ODF2: variants seen among roughly 807,000 people sequenced by gnomAD.
ODF2 encodes the protein outer dense fiber protein 2.
Under a neutral mutation model 110.2 loss-of-function variants are expected in ODF2, and 47 were observed. The ratio of observed to expected loss-of-function variants is 0.43; its 90% CI spans 0.34 to 0.54. The LOEUF (loss-of-function observed/expected upper bound fraction) is 0.54. ODF2 is among the 20% of genes least tolerant of loss of function. The pLI is 0.03. For missense variants in ODF2, 812 were observed against 1,054.5 expected, an observed-to-expected ratio of 0.77 and a Z score of 3.19; for synonymous variants, 352 against 397.7, an observed-to-expected ratio of 0.89 and a Z score of 1.37.
intron 9 of ODF2, among the ~76,000 whole-genome samples, chr9:128,482,158 G>A (rs905565812): frequency 8.5e-5 from 13 of 152,214 alleles, no homozygotes; most frequent in Non-Finnish European, 1.8e-4. Context: ...AAGTTCAACA[G>A]CTTCTTTCAA....
chr9:128,500,981 T>C (rs540282588), downstream of ODF2: 1 of 152,232 alleles, frequency 6.6e-6, no homozygotes, highest in Non-Finnish European at 1.5e-5. Flanking sequence ...CATTTGATGA[T>C]TTCCTTTACC....
chr9:128,483,924 C>A lies in ODF2; in HGVS notation c.988-14C>A. The A allele has an allele frequency of 6.3e-7, 1 of 1,590,612 alleles. No individual in the cohort carries two copies. Among genetic ancestry groups the A allele is most frequent in the Non-Finnish European group, 8.6e-7 (1 of 1,159,248 alleles). ...AAAAATTGTGCCTCCATCACTTTTT[C>A]CGTCTCTCCACAGGCTCAAGCAAAG... is the stretch of plus-strand genomic sequence containing the variant. On this transcript the variant is annotated splice_polypyrimidine_tract_variant and intron_variant, in intron 10 of 20. Coordinates refer to ENST00000604420, the Ensembl canonical transcript of ODF2.
intron 8 of ODF2, among the ~76,000 whole-genome samples, 188 bp from the exon 9 acceptor site, chr9:128,481,392 G>C (rs1386174850): frequency 1.3e-5 from 2 of 151,808 alleles, no homozygotes; most frequent in Non-Finnish European, 2.9e-5. Flanking sequence ...TGGGAGGATG[G>C]CTTGAGCCCA....
chr9:128,480,281 A>G (rs1360894861), intron 8 of ODF2, among the ~76,000 whole-genome samples: 4 of 152,226 alleles, frequency 2.6e-5, no homozygotes, highest in Middle Eastern at 3.2e-3. Context: ...AAACAGAAGT[A>G]GTATACATTT....
chr9:128,472,625 C>T (rs923038382), intron 6 of ODF2, among the ~76,000 whole-genome samples: 6 of 152,156 alleles, frequency 3.9e-5, no homozygotes, highest in Non-Finnish European at 8.8e-5. Flanking sequence ...GAGGGCGTGA[C>T]AGTGGAGGGG....
chr9:128,458,178 C>G (rs1056462751), intron 2 of ODF2, among the ~76,000 whole-genome samples: 16 of 152,060 alleles, frequency 1.1e-4, no homozygotes, highest in Non-Finnish European at 2.1e-4. Context: ...GGGCCAGGTG[C>G]GGTGGCTCAT....
At chr9:128,468,584 G>A (rs1169066688) in intron 4 of ODF2, among the ~76,000 whole-genome samples, 5 of 151,912 alleles carry the variant, frequency 3.3e-5, no homozygotes, top group South Asian at 2.1e-4. Flanking sequence ...GTGCAATGGC[G>A]CAATCTTGGC....
intron 18 of ODF2, among the ~76,000 whole-genome samples, chr9:128,497,059 T>C (rs1845672759): frequency 6.6e-6 from 1 of 151,874 alleles, no homozygotes; most frequent in Non-Finnish European, 1.5e-5. Context: ...GTGGTGTGAG[T>C]CTTCAATGAT....
chr9:128,464,617 A>G (rs1474978460), intron 4 of ODF2, among the ~76,000 whole-genome samples: 1 of 151,672 alleles, frequency 6.6e-6, no homozygotes, highest in Admixed American at 6.6e-5. Context: ...CTCCTGCCTC[A>G]GCCTCTGAGT....
At chr9:128,465,322 A>G (rs984731156) in intron 4 of ODF2, among the ~76,000 whole-genome samples, 4 of 152,214 alleles carry the variant, frequency 2.6e-5, no homozygotes, top group Non-Finnish European at 5.9e-5. Context: ...AGTTTGAGGA[A>G]GATATGGAAA....
chr9:128,484,620 TCTC>T (rs1301538348), intron 11 of ODF2, 78 bp from the exon 12 acceptor site: 2 of 1,446,456 alleles, frequency 1.4e-6, no homozygotes, highest in Admixed American at 2.0e-5. Context: ...TTCCTCCCTT[TCTC>T]CTTCACCCTC....
chr9:128,478,036 C>CT (rs1375827826), intron 8 of ODF2, among the ~76,000 whole-genome samples: 1 of 152,088 alleles, frequency 6.6e-6, no homozygotes, highest in Non-Finnish European at 1.5e-5. Flanking sequence ...GAGTCTCACT[C>CT]TGTCACCCAG....
intron 19 of ODF2, 65 bp from the exon 20 acceptor site, chr9:128,498,936 T>A (rs1232904266): frequency 1.4e-5 from 22 of 1,603,794 alleles, no homozygotes; most frequent in Non-Finnish European, 1.8e-5. Context: ...GGCCCAGCCT[T>A]CTCTTTGCCA....
chr9:128,481,916 G>A (rs906331185), intron 9 of ODF2, among the ~76,000 whole-genome samples: 1 of 152,152 alleles, frequency 6.6e-6, no homozygotes, highest in African/African-American at 2.4e-5. Context: ...TAAATCATCC[G>A]TGTCTGTTAA....
chr9:128,472,932 C>G lies in ODF2; in HGVS notation c.601C>G (p.Gln201Glu), dbSNP rs773402069. The G allele has an allele frequency of 2.5e-6, 4 of 1,614,094 alleles. No homozygotes were observed. The South Asian group carries it at 4.4e-5, about 18-fold the overall frequency. Residue 201 changes from glutamine to glutamate, a missense_variant, in exon 7 of 21, where the codon CAA becomes GAA. Gln to Glu is a conservative substitution (Grantham distance 29, BLOSUM62 2). Coordinates refer to ENST00000604420, the Ensembl canonical transcript of ODF2. ...CCCCAGACTTCAGAAGAAACACCTA[C>G]AACAGGAGAAGGAGTGCCTCATGTC...
intron 2 of ODF2, among the ~76,000 whole-genome samples, chr9:128,458,130 T>C (rs1835418131): frequency 6.9e-4 from 1 of 1,440 alleles, no homozygotes; most frequent in Non-Finnish European, 7.4e-3. Context: ...TGCCACCCCC[T>C]GGTCGCTCCA....
chr9:128,498,574 A>G (rs1846041666), exon 19 of ODF2: 2 of 1,534,002 alleles, frequency 1.3e-6, no homozygotes, highest in Non-Finnish European at 1.8e-6. Context: ...GCGAGGAGGC[A>G]GGTCAGTCCC....
chr9:128,499,125 A>ATG lies in ODF2; in HGVS notation c.2301+2_2301+3dup. ...AGCCAGCTGCGGCGGAGCCGTGATG[A>ATG]TGTGAGTCAGGCTGGTGGGCCGGGC... On this transcript the variant is annotated frameshift_variant and splice_region_variant, in exon 20 of 21. Coordinates refer to ENST00000604420, the Ensembl canonical transcript of ODF2. LOFTEE classifies it high-confidence loss of function. 1 of 1,614,150 alleles carries ATG rather than the reference A, an allele frequency of 6.2e-7. No homozygotes were observed.
rs185033764 is a variant in ODF2, at chr9:128,469,963, G to A, written c.420+610G>A. ...TGTGCCATTGCACTGTAGCCTGGGCGACAGAGAGAGTCTCTGTCTCAAAAA... is the reference window on the plus strand; with the variant it reads ...TGTGCCATTGCACTGTAGCCTGGGCAACAGAGAGAGTCTCTGTCTCAAAAA... On this transcript the variant is annotated intron_variant, in intron 5 of 20. Coordinates refer to ENST00000604420, the Ensembl canonical transcript of ODF2. Among the ~76,000 whole-genome samples the A allele has an allele frequency of 3.2e-3, 325 of 102,742 alleles. 3 individuals carry two copies. Among genetic ancestry groups the A allele is most frequent in the African/African-American group, 0.012 (306 of 25,634 alleles). 67.4% of individuals were successfully genotyped at this position (102,742 alleles called of 152,430 possible). A position where few individuals can be genotyped will look rare whatever the true frequency, so the allele number is the denominator to read the frequency against.
Sources: gnomAD v4.1 joint callset for allele counts (sites outside exome capture counted in the v4.1 genomes callset) on GRCh38, gnomAD v4.1.1 for gene constraint, MANE v1.5 for transcripts, NCBI Gene and HGNC (gene_info 2026-07-23, HGNC 2026-07-21) for gene names.